The following TSGA10 variants were observed in gnomAD, a reference collection of about 807,000 sequenced individuals.
TSGA10 encodes testis specific 10, also known as testis-specific gene 10 protein.
Under a neutral mutation model 96.6 loss-of-function variants are expected in TSGA10, and 43 were observed. The ratio of observed to expected loss-of-function variants is 0.44; its 90% CI spans 0.35 to 0.57. TSGA10 has a LOEUF of 0.57. TSGA10 is among the 20% of genes least tolerant of loss of function. The pLI, the probability that TSGA10 is intolerant of heterozygous loss-of-function variation, is 0.01. For synonymous variants in TSGA10, 229 were observed against 269.9 expected, an observed-to-expected ratio of 0.85 and a Z score of 1.48; for missense variants, 703 against 834.4, an observed-to-expected ratio of 0.84 and a Z score of 1.94.
intron 17 of TSGA10, among the ~76,000 whole-genome samples, chr2:99,031,631 C>T (rs1423656703): frequency 6.6e-6 from 1 of 152,224 alleles, no homozygotes; most frequent in East Asian, 1.9e-4. Context: ...AGTCCCTAAC[C>T]CCTGGGCCAC....
chr2:99,098,543 T>C (rs1300752855), intron 10 of TSGA10, among the ~76,000 whole-genome samples: 2 of 126,046 alleles, frequency 1.6e-5, no homozygotes, highest in East Asian at 2.4e-4. Context: ...AAAAAAGAAA[T>C]CTAAAAAAAA....
chr2:99,092,721 A>G (rs2104698256), intron 10 of TSGA10, among the ~76,000 whole-genome samples: 1 of 152,306 alleles, frequency 6.6e-6, no homozygotes, highest in South Asian at 2.1e-4. Flanking sequence ...AGCTTAAACC[A>G]GGAAGAATTA....
chr2:99,025,172 T>C (rs568593233), intron 17 of TSGA10, among the ~76,000 whole-genome samples: 28 of 152,360 alleles, frequency 1.8e-4, no homozygotes, highest in African/African-American at 6.3e-4. Context: ...AAGTGTTGTC[T>C]TCTACTTTTG....
chr2:99,038,106 G>C (rs2081826828), intron 16 of TSGA10, among the ~76,000 whole-genome samples: 1 of 151,680 alleles, frequency 6.6e-6, no homozygotes. Context: ...CAAATGCTGA[G>C]AGAAGTTGCC....
intron 16 of TSGA10, 47 bp from the exon 17 acceptor site, chr2:99,035,486 C>T: frequency 7.6e-7 from 1 of 1,308,848 alleles, no homozygotes; most frequent in Non-Finnish European, 1.0e-6. Flanking sequence ...ATATATTAAA[C>T]TGGAAGGAAA....
chr2:99,138,840 C>CTACA (rs1349757285), intron 1 of TSGA10, among the ~76,000 whole-genome samples: 1 of 152,094 alleles, frequency 6.6e-6, no homozygotes, highest in East Asian at 1.9e-4. Context: ...TGAAGAAGCC[C>CTACA]TACAGTACAG....
chr2:99,070,846 T>A (rs938867313), intron 14 of TSGA10, among the ~76,000 whole-genome samples: 3 of 152,168 alleles, frequency 2.0e-5, no homozygotes, highest in Non-Finnish European at 4.4e-5. Flanking sequence ...TTTACATTAG[T>A]ATGGTGCATA....
chr2:99,052,131 T>C (rs1354122458), intron 16 of TSGA10, among the ~76,000 whole-genome samples: 2 of 151,152 alleles, frequency 1.3e-5, no homozygotes, highest in Non-Finnish European at 3.0e-5. Context: ...ATATAAAGGA[T>C]TGGAGCAAAA....
intron 17 of TSGA10, among the ~76,000 whole-genome samples, chr2:99,024,991 C>A (rs1256264956): frequency 6.6e-6 from 1 of 152,126 alleles, no homozygotes; most frequent in Admixed American, 6.5e-5. Flanking sequence ...ATAAACCTTA[C>A]TAGATGGTGT....
At position 99,108,821 on chromosome 2, in the gene TSGA10, T is replaced by C; in HGVS notation, c.210+12A>G. The C allele has an allele frequency of 2.0e-6, 3 of 1,526,380 alleles. No individual in the cohort carries two copies. Among genetic ancestry groups the C allele is most frequent in the Non-Finnish European group, 8.7e-7 (1 of 1,143,156 alleles). 94.6% of individuals were successfully genotyped at this position (1,526,380 alleles called of 1,614,324 possible). On this transcript the variant is annotated intron_variant, in intron 7 of 20. Coordinates refer to ENST00000393483, the MANE Select transcript of TSGA10 (RefSeq NM_025244.4). Reference sequence around the variant, plus strand: ...TGTTATTACTTATATAATTTGTTTTTTGTAAGTTTACCTGTTCATAAAGAA... The same window carrying C: ...TGTTATTACTTATATAATTTGTTTTCTGTAAGTTTACCTGTTCATAAAGAA...
intron 1 of TSGA10, among the ~76,000 whole-genome samples, chr2:99,127,666 A>G (rs1413373572): frequency 6.6e-6 from 1 of 151,884 alleles, no homozygotes; most frequent in African/African-American, 2.4e-5. Context: ...AACGGCTCCT[A>G]AATATTAAGA....
intron 16 of TSGA10, among the ~76,000 whole-genome samples, chr2:99,063,673 G>A (rs1312852381): frequency 2.6e-5 from 4 of 151,950 alleles, no homozygotes; most frequent in Non-Finnish European, 5.9e-5. Flanking sequence ...GGCCAGGGTG[G>A]TGCGCACCTG....
chr2:99,008,040 C>T (rs958836176), intron 20 of TSGA10, among the ~76,000 whole-genome samples: 1 of 152,130 alleles, frequency 6.6e-6, no homozygotes, highest in African/African-American at 2.4e-5. Flanking sequence ...ATTTCTCAAA[C>T]CATACATAAA....
At chr2:99,046,823 TA>T (rs1454824208) in intron 16 of TSGA10, among the ~76,000 whole-genome samples, 2 of 151,894 alleles carry the variant, frequency 1.3e-5, no homozygotes, top group East Asian at 1.9e-4. Context: ...GATAGACCAC[TA>T]GCAAGACTAA....
chr2:99,062,115 GT>G (rs1440285789), intron 16 of TSGA10, among the ~76,000 whole-genome samples: 1 of 152,176 alleles, frequency 6.6e-6, no homozygotes, highest in Non-Finnish European at 1.5e-5. Flanking sequence ...ATGTCTTTCA[GT>G]ATTTGAGAGA....
At chr2:99,075,455 A>G (rs1483389740) in intron 12 of TSGA10, among the ~76,000 whole-genome samples, 1 of 152,166 alleles carries the variant, frequency 6.6e-6, no homozygotes, top group African/African-American at 2.4e-5. Context: ...ATTGGTAGCA[A>G]GTAGTAAAAC....
At chr2:99,052,578 A>C (rs1233762745) in intron 16 of TSGA10, among the ~76,000 whole-genome samples, 1 of 151,922 alleles carries the variant, frequency 6.6e-6, no homozygotes, top group Non-Finnish European at 1.5e-5. Context: ...CTCTACTAAA[A>C]ATACAAAAAA....
intron 1 of TSGA10, among the ~76,000 whole-genome samples, chr2:99,128,823 A>G (rs551576377): frequency 6.6e-6 from 1 of 152,274 alleles, no homozygotes; most frequent in African/African-American, 2.4e-5. Context: ...ATCACGGCTC[A>G]CTGCAGCCTC....
At chr2:99,020,555 C>A in intron 17 of TSGA10, 73 bp from the exon 18 acceptor site, 1 of 1,129,478 alleles carries the variant, frequency 8.9e-7, no homozygotes. Flanking sequence ...CAGGGACTCA[C>A]AAAATTTTCA....
Sources: allele counts gnomAD v4.1 joint callset (sites outside exome capture counted in the v4.1 genomes callset), GRCh38; gene constraint gnomAD v4.1.1; transcripts MANE v1.5; gene names NCBI Gene and HGNC (gene_info 2026-07-23, HGNC 2026-07-21).